The following SYTL2 variants were observed in gnomAD, a reference collection of about 807,000 sequenced individuals.
SYTL2 encodes the protein synaptotagmin-like protein 2.
In SYTL2, 165 loss-of-function variants were observed where a neutral mutation model predicts 198.7. That is an observed-to-expected ratio of 0.83 (90% CI 0.73 to 0.94). The LOEUF is 0.94. Ranked by LOEUF, SYTL2 falls within the 40% of genes least tolerant of loss-of-function variation. The pLI is 0.00. For synonymous variants in SYTL2, 966 were observed against 917.7 expected (o/e 1.05, Z -0.95); for missense variants, 2,835 against 2,582.8 (o/e 1.10, Z -2.12).
chr11:85,719,440 G>T, intron 9 of SYTL2: 1 of 492,400 alleles, frequency 2.0e-6, no homozygotes, highest in Non-Finnish European at 2.7e-6. Context: ...CTTTAAAGCT[G>T]CACCATGGAA....
chr11:85,709,311 T>C lies in SYTL2; in HGVS notation c.5915+20A>G, dbSNP rs1441721767. The C allele has an allele frequency of 6.2e-7, 1 of 1,612,348 alleles. No individual in the cohort carries two copies. Among genetic ancestry groups the C allele is most frequent in the Non-Finnish European group, 8.5e-7 (1 of 1,178,692 alleles). On this transcript the variant is annotated intron_variant, in intron 14 of 19. Coordinates refer to ENST00000359152, the MANE Select transcript of SYTL2 (RefSeq NM_206927.4). ...AGTTGGAGAACTAAGAGAAGGTAGG[T>C]GACTCTAAAATGTACTTACGGGTCT...
intron 10 of SYTL2, chr11:85,718,217 A>G (rs2087682336): frequency 1.2e-5 from 2 of 166,252 alleles, no homozygotes; most frequent in African/African-American, 4.8e-5. Flanking sequence ...TTCATCTTAT[A>G]ACAGAGCCAA....
chr11:85,831,217 G>C, the SYTL2 span, among the ~76,000 whole-genome samples: 3 of 152,176 alleles, frequency 2.0e-5, no homozygotes, highest in Non-Finnish European at 1.5e-5. Context: ...AAGTTCACCA[G>C]TATCAGATCT....
chr11:85,791,733 A>G (rs890961117), intron 1 of SYTL2, among the ~76,000 whole-genome samples: 15 of 152,106 alleles, frequency 9.9e-5, no homozygotes, highest in South Asian at 2.1e-4. Flanking sequence ...ACATAAGTCA[A>G]TGGCCCAGAT....
intron 3 of SYTL2, among the ~76,000 whole-genome samples, chr11:85,745,981 C>T (rs2091131021): frequency 6.6e-6 from 1 of 152,114 alleles, no homozygotes; most frequent in Admixed American, 6.5e-5. Flanking sequence ...CAAGCAGAGT[C>T]TCTTGAGAGA....
At chr11:85,830,172 G>A in the SYTL2 span, among the ~76,000 whole-genome samples, 5 of 152,114 alleles carry the variant, frequency 3.3e-5, no homozygotes, top group African/African-American at 7.2e-5. Flanking sequence ...GTACCACTCC[G>A]GAGTTTCTGA....
chr11:85,851,254 G>A, the SYTL2 span, among the ~76,000 whole-genome samples: 4 of 152,146 alleles, frequency 2.6e-5, no homozygotes, highest in Non-Finnish European at 2.9e-5. Flanking sequence ...AGTTTGTGAG[G>A]AACAAAGTTA....
chr11:85,846,808 A>T, the SYTL2 span, among the ~76,000 whole-genome samples: 76 of 140,866 alleles, frequency 5.4e-4, 2 homozygotes, highest in Admixed American at 1.7e-3. Context: ...GTCTCGCCTC[A>T]CTGCAACCTC....
intron 13 of SYTL2, 34 bp from the exon 14 acceptor site, chr11:85,709,534 T>C (rs775793334): frequency 6.3e-7 from 1 of 1,596,342 alleles, no homozygotes; most frequent in Non-Finnish European, 8.6e-7. Context: ...TGTTTGTCTC[T>C]ATCTCATTCT....
intron 1 of SYTL2, among the ~76,000 whole-genome samples, chr11:85,763,123 A>T (rs79338073): frequency 0.082 from 12,458 of 152,200 alleles, 746 homozygotes; most frequent in African/African-American, 0.16. Context: ...TGACTTCTCT[A>T]AGTCTTGGTT....
At chr11:85,836,020 T>C in the SYTL2 span, among the ~76,000 whole-genome samples, 1 of 152,178 alleles carries the variant, frequency 6.6e-6, no homozygotes, top group African/African-American at 2.4e-5. Flanking sequence ...CTCTGGTTCA[T>C]TGTCTCCAGA....
chr11:85,776,424 G>C (rs534171821), intron 1 of SYTL2, among the ~76,000 whole-genome samples: 1 of 152,184 alleles, frequency 6.6e-6, no homozygotes, highest in South Asian at 2.1e-4. Context: ...AACAGGCCCC[G>C]GTGTGTTATG....
the SYTL2 span, among the ~76,000 whole-genome samples, chr11:85,817,182 A>G: frequency 6.6e-6 from 1 of 152,168 alleles, no homozygotes; most frequent in Non-Finnish European, 1.5e-5. Context: ...AGCTACTACT[A>G]TTTGAGTACG....
intron 8 of SYTL2, among the ~76,000 whole-genome samples, chr11:85,723,035 T>G (rs1007709725): frequency 1.3e-5 from 2 of 152,226 alleles, no homozygotes; most frequent in Admixed American, 1.3e-4. Flanking sequence ...GCATCAGTTG[T>G]GCAACTTTGG....
intron 1 of SYTL2, among the ~76,000 whole-genome samples, chr11:85,763,260 G>A (rs555592167): frequency 6.6e-6 from 1 of 152,280 alleles, no homozygotes; most frequent in East Asian, 1.9e-4. Context: ...AGCACAAAGG[G>A]AAATTGGAGG....
Position 85,726,393 on chromosome 11 carries a change from A to C in SYTL2, c.2965T>G (p.Trp989Gly), listed in dbSNP as rs570895958. 13 of 1,613,404 alleles carry C rather than the reference A, an allele frequency of 8.1e-6. No homozygotes were observed. Among genetic ancestry groups the C allele is most frequent in the Admixed American group, 1.7e-5 (1 of 59,848 alleles). ...CTGTTTGAATTAGCTTCTAAGTCCCAAAACTTTCTCAAATTCTCAAACTGA... is the reference window on the plus strand; with the variant it reads ...CTGTTTGAATTAGCTTCTAAGTCCCCAAACTTTCTCAAATTCTCAAACTGA... ...PSQFENLRKF[W>G]DLEANSNSKD... The change falls in exon 8 of 20, where the codon TGG (tryptophan) becomes GGG (glycine). Residue 989 changes from tryptophan to glycine, a missense_variant. Transcript: ENST00000359152.
At chr11:85,743,352 A>T (rs2090937476) in intron 4 of SYTL2, among the ~76,000 whole-genome samples, 1 of 152,206 alleles carries the variant, frequency 6.6e-6, no homozygotes. Context: ...CTGGATAATT[A>T]CCACCCATGG....
chr11:85,696,223 G>A lies in SYTL2; in HGVS notation c.6534C>T (p.Thr2178=), dbSNP rs149337473. ...ELTVWDHYKL[T]NQFLGGLRIG... ...TACGAAGACCTCCCAAAAATTGGTT[G>A]GTTAATTTGTAATGGTCCCAGACAG... Residue 2178 remains threonine (T), a synonymous_variant, in exon 19 of 20, where the codon ACC becomes ACT. Coordinates refer to ENST00000359152, the MANE Select transcript of SYTL2 (RefSeq NM_206927.4). 3.7e-5 allele frequency: 60 copies of A among 1,613,958 alleles called. No homozygotes were observed. In the African/African-American group the frequency reaches 5.1e-4, roughly 14 times the overall value.
At chr11:85,777,945 G>A (rs1443186777) in intron 1 of SYTL2, among the ~76,000 whole-genome samples, 2 of 145,214 alleles carry the variant, frequency 1.4e-5, no homozygotes, top group Admixed American at 7.2e-5. Flanking sequence ...TCAGCCTCCC[G>A]AGTAGATGGG....
Sources: gnomAD v4.1 joint callset for allele counts (sites outside exome capture counted in the v4.1 genomes callset) on GRCh38, gnomAD v4.1.1 for gene constraint, MANE v1.5 for transcripts, NCBI Gene and HGNC (gene_info 2026-07-23, HGNC 2026-07-21) for gene names.